Variants in ADAM32 observed in about 807,000 individuals in gnomAD.
ADAM32 encodes ADAM metallopeptidase domain 32, also known as disintegrin and metalloproteinase domain-containing protein 32.
In ADAM32, 89 loss-of-function variants were observed where a neutral mutation model predicts 114.9. That is an observed-to-expected ratio of 0.77 (90% CI 0.65 to 0.92). ADAM32 has a LOEUF of 0.92. Among genes scored for constraint, ADAM32 ranks in the 40% least tolerant of loss-of-function variants. The pLI is 0.00. For missense variants in ADAM32, 870 were observed against 932.8 expected (o/e 0.93, Z 0.88); for synonymous variants, 285 against 307.5 (o/e 0.93, Z 0.77).
intron 4 of ADAM32, among the ~76,000 whole-genome samples, chr8:39,147,557 T>C (rs1054340666): frequency 6.6e-6 from 1 of 152,042 alleles, no homozygotes; most frequent in Non-Finnish European, 1.5e-5. Context: ...TTCTTAACTC[T>C]TCCTCATCTC....
intron 10 of ADAM32, among the ~76,000 whole-genome samples, chr8:39,178,204 G>A (rs1805640075): frequency 6.6e-6 from 1 of 152,154 alleles, no homozygotes; most frequent in Non-Finnish European, 1.5e-5. Flanking sequence ...CAGAGGTTTT[G>A]TTAATTCCTT....
chr8:39,145,041 G>A (rs759713652), intron 3 of ADAM32, among the ~76,000 whole-genome samples: 1 of 152,006 alleles, frequency 6.6e-6, no homozygotes, highest in Non-Finnish European at 1.5e-5. Context: ...TTCCAAAAAT[G>A]AAATCAAGAA....
intron 12 of ADAM32, 64 bp from the exon 13 acceptor site, chr8:39,221,546 C>T: frequency 7.9e-7 from 1 of 1,262,686 alleles, no homozygotes. Flanking sequence ...CAAAATATAA[C>T]TCCTAGTAAA....
At position 39,206,988 on chromosome 8, in the gene ADAM32, G is replaced by C. The variant is rs78992669; in HGVS notation, c.1053-4156G>C. On this transcript the variant is annotated intron_variant, in intron 11 of 24. Coordinates refer to ENST00000379907, the MANE Select transcript of ADAM32 (RefSeq NM_145004.7). ...AACAATACCAACTTGTGGACTCGAA[G>C]CACCTGCCTATACTAATCTCAGAGC... Among the ~76,000 whole-genome samples the C allele has an allele frequency of 5.2e-3, 786 of 152,162 alleles. 2 individuals carry two copies. Among genetic ancestry groups the C allele is most frequent in the African/African-American group, 0.018 (742 of 41,490 alleles).
chr8:39,107,725 G>A (rs374420638), upstream of ADAM32: 35 of 1,549,356 alleles, frequency 2.3e-5, no homozygotes, highest in African/African-American at 4.7e-4. Context: ...CGCGTCCCTG[G>A]CAATTCCCGA....
intron 10 of ADAM32, among the ~76,000 whole-genome samples, chr8:39,172,524 C>T (rs1805263768): frequency 6.6e-6 from 1 of 152,116 alleles, no homozygotes; most frequent in East Asian, 1.9e-4. Context: ...TGTTCCCCTC[C>T]CTGTGTCTAT....
intron 19 of ADAM32, among the ~76,000 whole-genome samples, chr8:39,265,989 C>A (rs149013800): frequency 1.3e-5 from 2 of 152,182 alleles, no homozygotes; most frequent in African/African-American, 4.8e-5. Flanking sequence ...GAATATAGGT[C>A]CCCAATCTCT....
intron 4 of ADAM32, among the ~76,000 whole-genome samples, 174 bp downstream of exon 4, chr8:39,147,379 C>T (rs961914730): frequency 6.6e-6 from 1 of 151,772 alleles, no homozygotes; most frequent in African/African-American, 2.4e-5. Flanking sequence ...GACTTAGCAC[C>T]TTTCCCATTG....
At chr8:39,157,419 A>T (rs1419399487) in intron 6 of ADAM32, 1 of 231,120 alleles carries the variant, frequency 4.3e-6, no homozygotes, top group East Asian at 1.2e-4. Flanking sequence ...CTTCTTATTT[A>T]TGAGCTTGAT....
chr8:39,245,840 G>A (rs1810880508), intron 16 of ADAM32, among the ~76,000 whole-genome samples: 1 of 152,024 alleles, frequency 6.6e-6, no homozygotes, highest in Non-Finnish European at 1.5e-5. Context: ...TAATTATTCT[G>A]CTTTAGAACT....
intron 3 of ADAM32, 42 bp from the exon 4 acceptor site, chr8:39,147,087 CA>C: frequency 1.3e-6 from 1 of 789,460 alleles, no homozygotes; most frequent in Non-Finnish European, 1.7e-6. Context: ...TTATATGTTT[CA>C]AAAAGAATAA....
intron 4 of ADAM32, among the ~76,000 whole-genome samples, chr8:39,147,442 T>C (rs1475942963): frequency 1.3e-5 from 2 of 151,912 alleles, no homozygotes; most frequent in East Asian, 3.8e-4. Flanking sequence ...TTAAATAAAA[T>C]ATTTATTATT....
chr8:39,172,507 C>T (rs570334313), intron 10 of ADAM32, among the ~76,000 whole-genome samples: 8 of 152,190 alleles, frequency 5.3e-5, no homozygotes, highest in Non-Finnish European at 8.8e-5. Context: ...CAGGCCCCAG[C>T]GTGTGTTGTT....
At chr8:39,173,923 C>G (rs1015510812) in intron 10 of ADAM32, among the ~76,000 whole-genome samples, 2 of 152,136 alleles carry the variant, frequency 1.3e-5, no homozygotes, top group African/African-American at 4.8e-5. Flanking sequence ...CTCCAAGGTT[C>G]AAGCGATTCT....
chr8:39,149,241 C>G (rs948360912), intron 4 of ADAM32, among the ~76,000 whole-genome samples: 4 of 151,982 alleles, frequency 2.6e-5, no homozygotes, highest in Non-Finnish European at 4.4e-5. Flanking sequence ...AAGTGAATGC[C>G]AATTTGGAAT....
At chr8:39,141,823 C>A (rs1269966150) in intron 3 of ADAM32, among the ~76,000 whole-genome samples, 1 of 152,102 alleles carries the variant, frequency 6.6e-6, no homozygotes, top group Non-Finnish European at 1.5e-5. Context: ...GTGTGGGAGT[C>A]TAAGTCTCTT....
At chr8:39,129,114 T>G (rs918768862) in intron 2 of ADAM32, among the ~76,000 whole-genome samples, 1 of 117,604 alleles carries the variant, frequency 8.5e-6, no homozygotes, top group Non-Finnish European at 1.7e-5. Flanking sequence ...TTGGTTCTCG[T>G]TTTTTTTTGT....
intron 16 of ADAM32, among the ~76,000 whole-genome samples, chr8:39,238,854 C>T (rs1037765872): frequency 3.3e-5 from 5 of 151,674 alleles, no homozygotes; most frequent in African/African-American, 1.2e-4. Flanking sequence ...TGGAATGAAC[C>T]CAATCTGACA....
chr8:39,213,798 A>G (rs1808382130), intron 12 of ADAM32, among the ~76,000 whole-genome samples: 1 of 152,056 alleles, frequency 6.6e-6, no homozygotes, highest in Admixed American at 6.6e-5. Flanking sequence ...TTTCATACCC[A>G]TTAACCATCC....
Sources: gnomAD v4.1 joint callset for allele counts (sites outside exome capture counted in the v4.1 genomes callset) on GRCh38, gnomAD v4.1.1 for gene constraint, MANE v1.5 for transcripts, NCBI Gene and HGNC (gene_info 2026-07-23, HGNC 2026-07-21) for gene names.